STXBP5L: variants seen among roughly 807,000 people sequenced by gnomAD.
STXBP5L encodes the protein syntaxin-binding protein 5-like.
A neutral mutation model predicts 144.5 loss-of-function variants in STXBP5L; 65 were observed. The observed-to-expected ratio is 0.45, with a 90% CI of 0.37 to 0.55. The LOEUF (loss-of-function observed/expected upper bound fraction) is 0.55, where lower values mean the gene tolerates loss of function less well. Among genes scored for constraint, STXBP5L ranks in the 20% least tolerant of loss-of-function variants. STXBP5L has a pLI of 0.00. For synonymous variants in STXBP5L, 505 were observed against 469.6 expected, an observed-to-expected ratio of 1.08 and a Z score of -0.97; for missense variants, 1,298 against 1,405.5, an observed-to-expected ratio of 0.92 and a Z score of 1.22.
At chr3:121,069,414 T>G (rs2041702316) in intron 5 of STXBP5L, among the ~76,000 whole-genome samples, 1 of 152,178 alleles carries the variant, frequency 6.6e-6, no homozygotes, top group Non-Finnish European at 1.5e-5. Flanking sequence ...TCTAGATTGT[T>G]TCCATTGTGA....
intron 25 of STXBP5L, among the ~76,000 whole-genome samples, chr3:121,417,874 A>C (rs1223299412): frequency 6.6e-6 from 1 of 152,122 alleles, no homozygotes; most frequent in Non-Finnish European, 1.5e-5. Flanking sequence ...CCCATTTTTC[A>C]GTATTTACAG....
At chr3:121,141,087 A>C (rs974919219) in intron 7 of STXBP5L, among the ~76,000 whole-genome samples, 1 of 152,188 alleles carries the variant, frequency 6.6e-6, no homozygotes, top group Non-Finnish European at 1.5e-5. Context: ...AGTATGTTAA[A>C]CAGCAATGCA....
At chr3:121,299,243 A>G (rs1259473649) in intron 19 of STXBP5L, among the ~76,000 whole-genome samples, 1 of 152,198 alleles carries the variant, frequency 6.6e-6, no homozygotes, top group Non-Finnish European at 1.5e-5. Flanking sequence ...TGAAAAGCAA[A>G]TGAGGAAGAT....
intron 5 of STXBP5L, among the ~76,000 whole-genome samples, chr3:121,096,746 G>A (rs1396731309): frequency 1.3e-5 from 2 of 152,228 alleles, no homozygotes; most frequent in Middle Eastern, 3.4e-3. Flanking sequence ...CCTACCAGTT[G>A]CCAGCCAGAG....
chr3:121,115,572 C>T (rs965316019), intron 6 of STXBP5L, among the ~76,000 whole-genome samples: 1 of 152,132 alleles, frequency 6.6e-6, no homozygotes, highest in South Asian at 2.1e-4. Flanking sequence ...AGTTTCTGTA[C>T]ATGTGAAATG....
intron 10 of STXBP5L, among the ~76,000 whole-genome samples, chr3:121,218,085 A>G (rs1344994714): frequency 1.4e-5 from 2 of 141,694 alleles, no homozygotes; most frequent in Admixed American, 1.5e-4. Flanking sequence ...TATATAATAT[A>G]ATATATAGTA....
chr3:121,023,800 G>T lies in STXBP5L; in HGVS notation c.288-17900G>T, dbSNP rs567263914. Among the ~76,000 whole-genome samples, 5 of 152,278 alleles carry T rather than the reference G, an allele frequency of 3.3e-5. No individual in the cohort carries two copies. The East Asian group carries it at 9.7e-4, about 29-fold the overall frequency. The stretch of plus-strand genomic sequence containing the variant: ...TCTAGAAGTCTCACTCCGTCGCCCA[G>T]GCTGGAGTGCAGTGGTGCAATCTTG... On this transcript the variant is annotated intron_variant, in intron 3 of 26. Transcript: ENST00000471454.
At chr3:120,934,091 C>CT (rs200329422) in intron 2 of STXBP5L, among the ~76,000 whole-genome samples, 50,139 of 137,842 alleles carry the variant, frequency 0.36, 8,608 homozygotes, top group Non-Finnish European at 0.4. Flanking sequence ...TTTTCTTTTT[C>CT]TTTTTTTTTT....
intron 3 of STXBP5L, among the ~76,000 whole-genome samples, chr3:120,955,822 A>G (rs1281259303): frequency 1.3e-5 from 2 of 151,900 alleles, no homozygotes; most frequent in Non-Finnish European, 2.9e-5. Context: ...ACCCCTAACA[A>G]CCACTAATTT....
In STXBP5L at chr3:121,279,949, C is replaced by T. The variant is rs2051003995; in HGVS notation, c.2103C>T (p.Phe701=). The T allele has an allele frequency of 6.2e-7, 1 of 1,611,476 alleles. No individual in the cohort carries two copies. The highest frequency in any genetic ancestry group is 1.3e-5 in the African/African-American group (1 of 74,896). Residue 701 remains phenylalanine (F), a synonymous_variant, in exon 19 of 27, where the codon TTC becomes TTT. Transcript: ENST00000471454. ...GGTCTCCTCGAAAAAACAAACAGTT[C>T]ATTGCAGGTAGGAGATAAAACAAGA... The part of the protein sequence containing the change: ...QPRSPRKNKQ[F]IAGLTELNDS...
At chr3:121,104,807 T>C (rs1231342846) in intron 5 of STXBP5L, among the ~76,000 whole-genome samples, 2 of 152,078 alleles carry the variant, frequency 1.3e-5, no homozygotes, top group Non-Finnish European at 2.9e-5. Flanking sequence ...AAGATATCAT[T>C]GGAAAAACTC....
intron 3 of STXBP5L, among the ~76,000 whole-genome samples, chr3:120,999,049 T>G (rs1036766849): frequency 2.2e-4 from 34 of 152,124 alleles, no homozygotes; most frequent in African/African-American, 8.2e-4. Context: ...TTGATTTCTG[T>G]TTTTGTTGTC....
intron 10 of STXBP5L, among the ~76,000 whole-genome samples, chr3:121,218,545 A>G (rs1469750242): frequency 6.6e-6 from 1 of 151,970 alleles, no homozygotes; most frequent in East Asian, 1.9e-4. Context: ...TTACTTTTAT[A>G]GAGATATGCT....
At chr3:121,045,321 G>A in intron 4 of STXBP5L, 114 bp from the exon 5 acceptor site, 4 of 894,186 alleles carry the variant, frequency 4.5e-6, no homozygotes, top group South Asian at 4.5e-5. Flanking sequence ...ATATTTCTGA[G>A]ATAACAAAAG....
chr3:121,003,466 G>T (rs1576628239), intron 3 of STXBP5L, among the ~76,000 whole-genome samples: 1 of 152,176 alleles, frequency 6.6e-6, no homozygotes, highest in Admixed American at 6.5e-5. Flanking sequence ...TTTGTCAGAT[G>T]AGTAGATTGC....
chr3:121,027,901 A>G (rs1257533861), intron 3 of STXBP5L, among the ~76,000 whole-genome samples: 1 of 151,924 alleles, frequency 6.6e-6, no homozygotes, highest in African/African-American at 2.4e-5. Context: ...CCTTTCATAT[A>G]TCCTCAGCTC....
intron 3 of STXBP5L, among the ~76,000 whole-genome samples, chr3:121,014,608 A>T (rs560074835): frequency 6.8e-4 from 84 of 124,222 alleles, no homozygotes; most frequent in Middle Eastern, 3.6e-3. Context: ...AATACCAAAC[A>T]TTAGGTGTCT....
At chr3:121,242,088 T>C (rs1409542569) in intron 14 of STXBP5L, among the ~76,000 whole-genome samples, 1 of 152,128 alleles carries the variant, frequency 6.6e-6, no homozygotes, top group Admixed American at 6.6e-5. Context: ...AATCTATCAT[T>C]TCCAGATGCA....
chr3:121,318,802 C>T (rs547893271), intron 20 of STXBP5L, among the ~76,000 whole-genome samples: 3 of 152,062 alleles, frequency 2.0e-5, no homozygotes, highest in African/African-American at 7.2e-5. Context: ...AGTTATTTTG[C>T]AGATACATTA....
Sources: gnomAD v4.1 joint callset for allele counts (sites outside exome capture counted in the v4.1 genomes callset) on GRCh38, gnomAD v4.1.1 for gene constraint, MANE v1.5 for transcripts, NCBI Gene and HGNC (gene_info 2026-07-23, HGNC 2026-07-21) for gene names.